The following RBMS3 variants were observed in gnomAD, a reference collection of about 807,000 sequenced individuals.
RBMS3 encodes the protein RNA-binding motif, single-stranded-interacting protein 3.
In RBMS3, 27 loss-of-function variants were observed where a neutral mutation model predicts 66.8. The ratio of observed to expected loss-of-function variants is 0.40; its 90% CI spans 0.30 to 0.56. RBMS3 has a LOEUF of 0.56. RBMS3 is among the 20% of genes least tolerant of loss of function. RBMS3 has a pLI of 0.40. For missense variants in RBMS3, 513 were observed against 549.5 expected, an observed-to-expected ratio of 0.93 and a Z score of 0.66; for synonymous variants, 188 against 183.0, an observed-to-expected ratio of 1.03 and a Z score of -0.22.
intron 3 of RBMS3, among the ~76,000 whole-genome samples, chr3:29,561,476 G>A (rs531236165): frequency 5.3e-5 from 8 of 151,632 alleles, no homozygotes; most frequent in Non-Finnish European, 1.2e-4. Flanking sequence ...TTGCTGAGAC[G>A]GAGTCTCACT....
At chr3:29,289,846 T>A (rs555564006) in intron 1 of RBMS3, among the ~76,000 whole-genome samples, 55 of 152,016 alleles carry the variant, frequency 3.6e-4, no homozygotes, top group African/African-American at 1.1e-3. Flanking sequence ...TGGCATATAT[T>A]ACATTCAATA....
intron 6 of RBMS3, among the ~76,000 whole-genome samples, chr3:29,843,738 T>C (rs939654110): frequency 2.0e-5 from 3 of 152,026 alleles, no homozygotes; most frequent in African/African-American, 4.8e-5. Context: ...GTAGATAGCT[T>C]GAGCCCAGGG....
chr3:29,704,950 T>C (rs2052805973), intron 4 of RBMS3, among the ~76,000 whole-genome samples: 1 of 152,238 alleles, frequency 6.6e-6, no homozygotes, highest in South Asian at 2.1e-4. Flanking sequence ...ATTCATAATG[T>C]TGTCAAGATA....
intron 1 of RBMS3, among the ~76,000 whole-genome samples, chr3:29,345,915 T>G (rs757141028): frequency 4.8e-4 from 73 of 152,352 alleles, no homozygotes; most frequent in Non-Finnish European, 9.4e-4. Context: ...TTTTTTTATA[T>G]AGAGAAGGGA....
At chr3:29,696,028 T>C (rs2052257714) in intron 4 of RBMS3, among the ~76,000 whole-genome samples, 2 of 152,306 alleles carry the variant, frequency 1.3e-5, no homozygotes, top group African/African-American at 4.8e-5. Context: ...TCTTCTTTCT[T>C]GCCGTCAGTA....
intron 12 of RBMS3, among the ~76,000 whole-genome samples, chr3:29,962,615 T>C (rs1468444655): frequency 6.7e-6 from 1 of 149,304 alleles, no homozygotes; most frequent in Admixed American, 6.8e-5. Context: ...CCTTTGAACC[T>C]CTAGTAATTA....
At chr3:29,899,623 G>T (rs1041995285) in intron 9 of RBMS3, 82 bp from the exon 10 acceptor site, 20 of 1,240,794 alleles carry the variant, frequency 1.6e-5, no homozygotes, top group Middle Eastern at 1.9e-4. Flanking sequence ...ACTTTCTTAT[G>T]ACCTAGTGTG....
chr3:29,890,589 TTCTATC>T (rs2059977179), intron 8 of RBMS3, among the ~76,000 whole-genome samples: 1 of 151,596 alleles, frequency 6.6e-6, no homozygotes, highest in African/African-American at 2.4e-5. Context: ...TTTTTCAACT[TTCTATC>T]TATAGTACAG....
intron 3 of RBMS3, among the ~76,000 whole-genome samples, chr3:29,583,091 G>A (rs562802562): frequency 1.3e-4 from 20 of 152,140 alleles, no homozygotes; most frequent in African/African-American, 4.3e-4. Context: ...CTCTCTCCTC[G>A]CTGGCAGAAT....
At chr3:29,961,331 A>G (rs1249201122) in intron 12 of RBMS3, among the ~76,000 whole-genome samples, 1 of 152,162 alleles carries the variant, frequency 6.6e-6, no homozygotes, top group African/African-American at 2.4e-5. Flanking sequence ...CATTTTGGTA[A>G]AAACCATCCA....
chr3:29,324,963 C>T lies in RBMS3; in HGVS notation c.75+43207C>T, dbSNP rs74734316. ...TAGATCCCAGTTAATGGAGCTTTAT[C>T]GTATTTGCACACAGATGAAAGAATA... On this transcript the variant is annotated intron_variant, in intron 1 of 14. Coordinates refer to ENST00000383767, the MANE Select transcript of RBMS3 (RefSeq NM_001003793.3). 2.5e-3 allele frequency among the ~76,000 whole-genome samples: 373 copies of T among 151,896 alleles called. 3 individuals are homozygous for T. The highest frequency in any genetic ancestry group is 8.5e-3 in the African/African-American group (353 of 41,410).
chr3:29,485,301 T>C (rs1335292229), intron 2 of RBMS3, among the ~76,000 whole-genome samples: 1 of 152,134 alleles, frequency 6.6e-6, no homozygotes, highest in Non-Finnish European at 1.5e-5. Context: ...AGACAATATA[T>C]ACATTTATAA....
At chr3:29,874,278 G>GAGAT (rs1254381812) in intron 7 of RBMS3, among the ~76,000 whole-genome samples, 1 of 152,090 alleles carries the variant, frequency 6.6e-6, no homozygotes, top group Admixed American at 6.5e-5. Flanking sequence ...TAAACCACTG[G>GAGAT]AGATAAAAAT....
At chr3:29,575,424 T>C (rs2047086843) in intron 3 of RBMS3, among the ~76,000 whole-genome samples, 1 of 152,058 alleles carries the variant, frequency 6.6e-6, no homozygotes, top group Non-Finnish European at 1.5e-5. Context: ...ACTTTTAGGA[T>C]CCTTTCTTTA....
chr3:29,980,996 C>A (rs1697945550), intron 12 of RBMS3, among the ~76,000 whole-genome samples: 2 of 152,146 alleles, frequency 1.3e-5, no homozygotes, highest in South Asian at 4.1e-4. Flanking sequence ...ATGGGAATAG[C>A]ATTGAATCTA....
chr3:29,524,861 A>G (rs2045030212), intron 3 of RBMS3, among the ~76,000 whole-genome samples: 1 of 152,098 alleles, frequency 6.6e-6, no homozygotes, highest in Admixed American at 6.5e-5. Context: ...TGGACTAGCC[A>G]GGAGAACATA....
chr3:29,549,682 G>C (rs1008555483), intron 3 of RBMS3, among the ~76,000 whole-genome samples: 1 of 151,986 alleles, frequency 6.6e-6, no homozygotes, highest in South Asian at 2.1e-4. Flanking sequence ...TTACAGGCAT[G>C]AGCCACCGTG....
intron 4 of RBMS3, among the ~76,000 whole-genome samples, chr3:29,651,006 T>G (rs962218013): frequency 1.3e-5 from 2 of 152,180 alleles, no homozygotes; most frequent in Admixed American, 6.5e-5. Flanking sequence ...TCTCAACTAT[T>G]TTAGTTGTTG....
intron 1 of RBMS3, among the ~76,000 whole-genome samples, chr3:29,341,664 G>A (rs2036290101): frequency 6.6e-6 from 1 of 152,078 alleles, no homozygotes; most frequent in Admixed American, 6.6e-5. Context: ...CTGTGGTCTT[G>A]TCCCTAGACC....
Sources: gnomAD v4.1 joint callset for allele counts (sites outside exome capture counted in the v4.1 genomes callset) on GRCh38, gnomAD v4.1.1 for gene constraint, MANE v1.5 for transcripts, NCBI Gene and HGNC (gene_info 2026-07-23, HGNC 2026-07-21) for gene names.